GRAMD2B: variants seen among roughly 807,000 people sequenced by gnomAD.
GRAMD2B encodes GRAM domain containing 2B.
In GRAMD2B, 41 loss-of-function variants were observed where a neutral mutation model predicts 59.2. The observed-to-expected ratio is 0.69, with a 90% CI of 0.54 to 0.90. The LOEUF is 0.90. Ranked by LOEUF, GRAMD2B falls within the 40% of genes least tolerant of loss-of-function variation. The pLI is 0.00. For missense variants in GRAMD2B, 424 were observed against 500.5 expected (o/e 0.85, Z 1.46); for synonymous variants, 161 against 182.7 (o/e 0.88, Z 0.96).
At chr5:126,453,864 T>G (rs921532459) in intron 1 of GRAMD2B, among the ~76,000 whole-genome samples, 3 of 152,228 alleles carry the variant, frequency 2.0e-5, no homozygotes, top group African/African-American at 7.2e-5. Context: ...GAGGTAGGTT[T>G]TGAGATAAAA....
At chr5:126,422,915 A>ACCCCC (rs28372817), upstream of GRAMD2B, among the ~76,000 whole-genome samples, 1 of 141,160 alleles carries the variant, frequency 7.1e-6, no homozygotes, top group African/African-American at 2.7e-5. Flanking sequence ...CCCTCTAACC[A>ACCCCC]CCCCCCCCAC....
chr5:126,387,732 CA>C (rs913027879), intron 1 of GRAMD2B, among the ~76,000 whole-genome samples: 1 of 151,704 alleles, frequency 6.6e-6, no homozygotes, highest in Non-Finnish European at 1.5e-5. Flanking sequence ...TTTTGTCAGA[CA>C]ATGGAGGAAC....
chr5:126,408,558 A>G (rs1758465152), intron 1 of GRAMD2B, among the ~76,000 whole-genome samples: 2 of 151,132 alleles, frequency 1.3e-5, no homozygotes, highest in African/African-American at 4.9e-5. Flanking sequence ...CCAGGGTTGC[A>G]GTTTATTCCT....
At chr5:126,492,470 CA>C (rs1419931148) in intron 13 of GRAMD2B, among the ~76,000 whole-genome samples, 2 of 151,782 alleles carry the variant, frequency 1.3e-5, no homozygotes, top group Non-Finnish European at 2.9e-5. Context: ...CCTGTAATCT[CA>C]ACACTTTGGG....
chr5:126,371,467 AGT>A lies in GRAMD2B; in HGVS notation c.27_28del (p.Ser9ArgfsTer7). 1.6e-6 allele frequency: 2 copies of A among 1,289,148 alleles called. No individual in the cohort carries two copies. Among genetic ancestry groups the A allele is most frequent in the Non-Finnish European group, 2.0e-6 (2 of 988,738 alleles). The allele number at this position is 1,289,148 out of a possible 1,614,324, so 79.9% of individuals were successfully genotyped here. On this transcript the variant is annotated frameshift_variant, in exon 1 of 9. Transcript: ENST00000506445. LOFTEE classifies it high-confidence loss of function. Reference sequence around the variant, plus strand: ...AATGGTGAAGAAAAGGCTGCCTTCTAGTGACACGGTGTTCCGGTTTGAGACTC... The same window carrying A: ...AATGGTGAAGAAAAGGCTGCCTTCTAGACACGGTGTTCCGGTTTGAGACTC...
intron 5 of GRAMD2B, among the ~76,000 whole-genome samples, chr5:126,474,720 C>T (rs180779401): frequency 1.3e-5 from 2 of 152,302 alleles, no homozygotes; most frequent in East Asian, 3.9e-4. Flanking sequence ...GCAGTCAGTG[C>T]ACTTTCAAGC....
chr5:126,427,549 T>G (rs1217158051), intron 1 of GRAMD2B, among the ~76,000 whole-genome samples: 1 of 152,186 alleles, frequency 6.6e-6, no homozygotes, highest in Non-Finnish European at 1.5e-5. Flanking sequence ...CATACGGATG[T>G]AGGAAAAGGA....
intron 1 of GRAMD2B, among the ~76,000 whole-genome samples, chr5:126,463,074 G>A (rs184435825): frequency 6.6e-6 from 1 of 152,208 alleles, no homozygotes; most frequent in Non-Finnish European, 1.5e-5. Flanking sequence ...AGATGGGTCA[G>A]GGTCAAAGAG....
At chr5:126,366,153 A>G (rs1754428242) in intron 1 of GRAMD2B, among the ~76,000 whole-genome samples, 1 of 152,216 alleles carries the variant, frequency 6.6e-6, no homozygotes, top group South Asian at 2.1e-4. Context: ...TGGGAGAGAA[A>G]TCAACCCCCT....
chr5:126,448,924 G>C (rs1300863952), intron 1 of GRAMD2B, among the ~76,000 whole-genome samples: 1 of 152,240 alleles, frequency 6.6e-6, no homozygotes, highest in Admixed American at 6.5e-5. Context: ...TTTCATGCCT[G>C]CATGAGGGTT....
intron 2 of GRAMD2B, 69 bp from the exon 3 acceptor site, chr5:126,469,608 C>G: frequency 9.7e-7 from 1 of 1,029,504 alleles, no homozygotes; most frequent in Non-Finnish European, 1.5e-6. Flanking sequence ...GCACTTCAGC[C>G]TGGGCAACAG....
upstream of GRAMD2B, among the ~76,000 whole-genome samples, chr5:126,422,949 A>G (rs936333574): frequency 3.6e-4 from 52 of 143,158 alleles, no homozygotes; most frequent in African/African-American, 1.3e-3. Context: ...AGGGTTAACC[A>G]AAACACCACC....
intron 1 of GRAMD2B, among the ~76,000 whole-genome samples, chr5:126,434,500 T>C (rs919084911): frequency 1.3e-5 from 2 of 151,372 alleles, no homozygotes; most frequent in Non-Finnish European, 2.9e-5. Flanking sequence ...CACATGACAA[T>C]TATCCTTTTT....
At chr5:126,430,975 T>C (rs1761471463) in intron 1 of GRAMD2B, among the ~76,000 whole-genome samples, 1 of 152,178 alleles carries the variant, frequency 6.6e-6, no homozygotes, top group African/African-American at 2.4e-5. Context: ...TCTTCCCATA[T>C]GGGTTGATAT....
intron 1 of GRAMD2B, among the ~76,000 whole-genome samples, chr5:126,417,788 C>A (rs1290899625): frequency 1.3e-5 from 2 of 152,208 alleles, no homozygotes; most frequent in African/African-American, 4.8e-5. Context: ...CACTCTCCTA[C>A]AAGATATGTG....
intron 1 of GRAMD2B, among the ~76,000 whole-genome samples, chr5:126,383,006 G>A (rs184939783): frequency 8.5e-5 from 13 of 152,250 alleles, no homozygotes; most frequent in East Asian, 5.8e-4. Context: ...GCTCTGGGCC[G>A]ATACTGAGGA....
intron 1 of GRAMD2B, among the ~76,000 whole-genome samples, chr5:126,457,191 CAAAAAAAAAAAA>C (rs559904336): frequency 6.3e-5 from 4 of 63,978 alleles, no homozygotes; most frequent in Admixed American, 2.2e-4. Context: ...GACTCCGTCT[CAAAAAAAAAAAA>C]AAAAAAAAAA....
At chr5:126,385,270 T>C (rs1156729189) in intron 1 of GRAMD2B, among the ~76,000 whole-genome samples, 1 of 152,324 alleles carries the variant, frequency 6.6e-6, no homozygotes, top group East Asian at 1.9e-4. Flanking sequence ...GATTTATTAA[T>C]AGATCTGAAT....
chr5:126,409,257 C>A (rs893276553), intron 1 of GRAMD2B, among the ~76,000 whole-genome samples: 1 of 152,240 alleles, frequency 6.6e-6, no homozygotes. Context: ...CTTGAGGAAT[C>A]GCCACACTGA....
Sources: allele counts gnomAD v4.1 joint callset (sites outside exome capture counted in the v4.1 genomes callset), GRCh38; gene constraint gnomAD v4.1.1; transcripts MANE v1.5; gene names NCBI Gene and HGNC (gene_info 2026-07-23, HGNC 2026-07-21).